Variants in NLGN3 observed in about 807,000 individuals in gnomAD.
NLGN3 encodes neuroligin 3.
Under a neutral mutation model 42.9 loss-of-function variants are expected in NLGN3, and 11 were observed. The observed-to-expected ratio is 0.26, with a 90% CI of 0.16 to 0.42. The LOEUF (loss-of-function observed/expected upper bound fraction) is 0.42, where lower values mean the gene tolerates loss of function less well. Among genes scored for constraint, NLGN3 ranks in the 10% least tolerant of loss-of-function variants. The pLI, the probability that NLGN3 is intolerant of heterozygous loss-of-function variation, is 1.00. For synonymous variants in NLGN3, 279 were observed against 312.7 expected, an observed-to-expected ratio of 0.89 and a Z score of 1.14; for missense variants, 374 against 733.8, an observed-to-expected ratio of 0.51 and a Z score of 5.67.
rs5981083 is a variant in NLGN3, at chrX:71,169,800, C to T, written c.2250C>T (p.Ala750=). 2.1e-3 allele frequency: 2,578 copies of T among 1,206,291 alleles called. 36 individuals carry two copies. The African/African-American group carries it at 0.035, about 16-fold the overall frequency. The part of the protein sequence containing the change: ...PLRQPSPQRG[A]GAPELGAAPE... ...GGCAGCCTAGCCCTCAGCGGGGAGC[C>T]GGGGCCCCGGAGTTGGGAGCTGCTC... Residue 750 remains alanine, a synonymous_variant, in exon 8 of 8, where the codon GCC becomes GCT. Transcript: ENST00000358741.
rs2092404783 is a variant in NLGN3, at chrX:71,155,280, C to A, written c.644C>A (p.Thr215Lys). 8.3e-7 allele frequency: 1 copy of A among 1,210,368 alleles called. No homozygotes were observed. Among genetic ancestry groups the A allele is most frequent in the Admixed American group, 2.2e-5 (1 of 45,949 alleles). Residue 215 changes from threonine to lysine, a missense_variant, in exon 5 of 8, where the codon ACA (threonine) becomes AAA (lysine). Transcript: ENST00000358741. Reference sequence around the variant, plus strand: ...CACGGAGGCTCTTACATGGAAGGGACAGGCAACATGATTGATGGCAGCATC... The same window carrying A: ...CACGGAGGCTCTTACATGGAAGGGAAAGGCAACATGATTGATGGCAGCATC... ...YIHGGSYMEG[T>K]GNMIDGSILA...
rs1453190157 is a variant in NLGN3 at position 71,164,036 on chromosome X, C to T, written c.728-107C>T. The T allele has an allele frequency of 2.0e-5, 14 of 694,832 alleles. No individual in the cohort carries two copies. In the South Asian group the frequency reaches 2.3e-4, roughly 11 times the overall value. The allele number at this position is 694,832 out of a possible 1,213,427, so 57.3% of individuals were successfully genotyped here. On this transcript the variant is annotated intron_variant, in intron 5 of 7. Transcript: ENST00000358741. ...TAACTATGTGGGAAGAACTACACTG[C>T]GTGCTCATTCTCTATTCCCACCTCC...
chrX:71,167,193 C>A lies in NLGN3; in HGVS notation c.1096C>A (p.Gln366Lys), dbSNP rs1289422209. ...CAAGGAGCTGGTAGAGCAGGACATC[C>A]AGCCAGCCCGCTACCACGTGGCCTT... ...SAKELVEQDI[Q>K]PARYHVAFGP... Residue 366 changes from glutamine (Q) to lysine (K), a missense_variant, in exon 7 of 8, where the codon CAG (glutamine) becomes AAG (lysine). Around this residue, in one of 6 missense-constraint regions of NLGN3, gnomAD observed 142 missense variants for 359.1 expected, o/e 0.40. Transcript: ENST00000358741. The A allele has an allele frequency of 1.7e-6, 2 of 1,211,821 alleles. No homozygotes were observed. Among genetic ancestry groups the A allele is most frequent in the Non-Finnish European group, 2.2e-6 (2 of 895,485 alleles).
chrX:71,162,736 G>C (rs1569485031), intron 5 of NLGN3, among the ~76,000 whole-genome samples: 1 of 112,094 alleles, frequency 8.9e-6, no homozygotes, highest in African/African-American at 3.2e-5. Flanking sequence ...ACAGTGGTGA[G>C]GTCTTGTGAC....
At chrX:71,151,120 C>T (rs967891941) in intron 3 of NLGN3, among the ~76,000 whole-genome samples, 1 of 111,176 alleles carries the variant, frequency 9.0e-6, no homozygotes, top group South Asian at 3.8e-4. Flanking sequence ...GAATTCGAGA[C>T]CAGCCTGGCC....
In NLGN3 at chrX:71,146,364, GGTGTGCGTGT is replaced by G. The variant is rs751504633; in HGVS notation, c.-200-1168_-200-1159del. ...GAAAACTAAATGTGCATGTGGCGTG[GGTGTGCGTGT>G]GTGTGCGTGTGTGTGCGGGAGCATG... On this transcript the variant is annotated intron_variant, in intron 1 of 7. Coordinates refer to ENST00000358741, the MANE Select transcript of NLGN3 (RefSeq NM_181303.2). Among the ~76,000 whole-genome samples, 634 of 108,365 alleles carry G rather than the reference GGTGTGCGTGT, an allele frequency of 5.9e-3. 5 individuals are homozygous for G. The highest frequency in any genetic ancestry group is 0.02 in the African/African-American group (597 of 29,618). 94.1% of individuals were successfully genotyped at this position (108,365 alleles called of 115,157 possible).
chrX:71,148,795 C>G (rs1050053247), intron 2 of NLGN3, 51 bp from the exon 3 acceptor site: 11 of 1,105,803 alleles, frequency 9.9e-6, no homozygotes, highest in Non-Finnish European at 1.1e-5. Context: ...GGGGTGCATG[C>G]CCCTGGGCAG....
intron 7 of NLGN3, among the ~76,000 whole-genome samples, chrX:71,168,819 A>AAAAAAGAAAG (rs1254614472): frequency 1.3e-5 from 1 of 79,713 alleles, no homozygotes; most frequent in Non-Finnish European, 2.3e-5. Context: ...AAAGAGAAAA[A>AAAAAAGAAAG]AAAAAGAAAG....
At chrX:71,163,406 G>A (rs1490014442) in intron 5 of NLGN3, among the ~76,000 whole-genome samples, 1 of 111,777 alleles carries the variant, frequency 8.9e-6, no homozygotes, top group Non-Finnish European at 1.9e-5. Flanking sequence ...AGGCCTCCAA[G>A]GGAGGGAAAT....
chrX:71,169,806 C>T lies in NLGN3; in HGVS notation c.2256C>T (p.Ala752=). The T allele has an allele frequency of 8.3e-7, 1 of 1,207,943 alleles. No homozygotes were observed. Among genetic ancestry groups the T allele is most frequent in the Non-Finnish European group, 1.1e-6 (1 of 893,562 alleles). ...RQPSPQRGAG[A]PELGAAPEEE... is the part of the protein sequence containing the mutation. Reference sequence around the variant, plus strand: ...CTAGCCCTCAGCGGGGAGCCGGGGCCCCGGAGTTGGGAGCTGCTCCAGAGG... The same window carrying T: ...CTAGCCCTCAGCGGGGAGCCGGGGCTCCGGAGTTGGGAGCTGCTCCAGAGG... Residue 752 remains alanine, a synonymous_variant, in exon 8 of 8, where the codon GCC becomes GCT. Coordinates refer to ENST00000358741, the MANE Select transcript of NLGN3 (RefSeq NM_181303.2).
downstream of NLGN3, among the ~76,000 whole-genome samples, chrX:71,174,358 G>A (rs182005250): frequency 4.6e-4 from 51 of 111,827 alleles, no homozygotes; most frequent in African/African-American, 1.5e-3. Context: ...ATGAAGAAGG[G>A]AAGAGATACG....
chrX:71,173,405 A>G (rs2147921541), downstream of NLGN3, among the ~76,000 whole-genome samples: 1 of 111,953 alleles, frequency 8.9e-6, no homozygotes, highest in Admixed American at 9.5e-5. Flanking sequence ...TTGACAGTCA[A>G]TTCTGTGCCC....
intron 6 of NLGN3, among the ~76,000 whole-genome samples, chrX:71,166,471 AAC>A (rs2092447743): frequency 9.1e-6 from 1 of 109,764 alleles, no homozygotes; most frequent in African/African-American, 3.4e-5. Context: ...AAAAAAAAAA[AAC>A]AAAGTATCAG....
intron 6 of NLGN3, among the ~76,000 whole-genome samples, chrX:71,166,159 A>C (rs2092446285): frequency 9.1e-6 from 1 of 110,362 alleles, no homozygotes; most frequent in African/African-American, 3.3e-5. Flanking sequence ...GTAGCTTCAG[A>C]TAAAAGGAAA....
downstream of NLGN3, among the ~76,000 whole-genome samples, chrX:71,171,487 A>G (rs951901535): frequency 9.2e-6 from 1 of 109,258 alleles, no homozygotes; most frequent in Non-Finnish European, 1.9e-5. Context: ...CCTCCTAATG[A>G]AATGGCAAAA....
chrX:71,147,769 C>A lies in NLGN3; in HGVS notation c.20C>A (p.Pro7Gln). 1 of 1,207,828 alleles carries A rather than the reference C, an allele frequency of 8.3e-7. No individual in the cohort carries two copies. The highest frequency in any genetic ancestry group is 1.1e-6 in the Non-Finnish European group (1 of 894,201). Reference protein sequence around the residue: MWLRLGPPSLSLSPKPT... With the variant: MWLRLGQPSLSLSPKPT... ...CGGAACATGTGGCTGCGGCTTGGCC[C>A]GCCCTCGCTGTCCCTGAGCCCCAAG... is the stretch of plus-strand genomic sequence containing the variant. The change falls in exon 2 of 8, where the codon CCG (proline) becomes CAG (glutamine). Residue 7 changes from proline (P) to glutamine (Q), a missense_variant. By Grantham distance (76) the Pro-to-Gln change is moderately conservative. Transcript: ENST00000358741.
At chrX:71,152,774 C>G (rs1310247171) in intron 3 of NLGN3, among the ~76,000 whole-genome samples, 1 of 111,392 alleles carries the variant, frequency 9.0e-6, no homozygotes, top group Admixed American at 9.5e-5. Flanking sequence ...CCCTCTCTCC[C>G]TCTCTGGCTC....
chrX:71,165,686 C>T (rs184560846), intron 6 of NLGN3, among the ~76,000 whole-genome samples: 1 of 110,421 alleles, frequency 9.1e-6, no homozygotes, highest in Non-Finnish European at 1.9e-5. Flanking sequence ...CTACCATGCC[C>T]GGCTAATTTT....
intron 4 of NLGN3, among the ~76,000 whole-genome samples, chrX:71,153,976 C>G (rs745619350): frequency 9.9e-5 from 11 of 111,562 alleles, no homozygotes; most frequent in Admixed American, 3.8e-4. Context: ...AGAGGGGCCC[C>G]GCAGGATGGT....
Sources: gnomAD v4.1 joint callset for allele counts (sites outside exome capture counted in the v4.1 genomes callset) on GRCh38, gnomAD v4.1.1 for gene constraint, gnomAD v4.1.1 regional missense constraint, MANE v1.5 for transcripts, NCBI Gene and HGNC (gene_info 2026-07-23, HGNC 2026-07-21) for gene names.